CALCB: variants seen among roughly 807,000 people sequenced by gnomAD.
CALCB encodes calcitonin gene-related peptide 2.
CALCB carries 8 observed loss-of-function variants against 10.7 expected under a neutral mutation model. That is an observed-to-expected ratio of 0.75 (90% CI 0.44 to 1.34). The LOEUF is 1.34. Among genes scored for constraint, CALCB ranks in the 40% most tolerant of loss-of-function variants. The probability of loss-of-function intolerance (pLI) is 0.01; values close to 1 mark genes in which losing one functional copy is unlikely to be tolerated. For missense variants in CALCB, 176 were observed against 162.5 expected (o/e 1.08, Z -0.45); for synonymous variants, 76 against 66.9 (o/e 1.14, Z -0.66).
At chr11:15,077,896 A>G (rs1467923703) in intron 4 of CALCB, among the ~76,000 whole-genome samples, 187 bp from the exon 5 acceptor site, 2 of 152,332 alleles carry the variant, frequency 1.3e-5, no homozygotes, top group Middle Eastern at 6.8e-3. Flanking sequence ...TCTCATAACC[A>G]TAATTCATAA....
In CALCB at chr11:15,077,386, G is replaced by A. The variant is rs768562060; in HGVS notation, c.325G>A (p.Val109Met). Residue 109 changes from valine to methionine, a missense_variant, in exon 4 of 5, where the codon GTG (valine) becomes ATG (methionine). Coordinates refer to ENST00000324229, the MANE Select transcript of CALCB (RefSeq NM_000728.4). The stretch of plus-strand genomic sequence containing the variant: ...AGGGGGCATGGTGAAGAGCAACTTC[G>A]TGCCCACCAATGTGGGTTCCAAAGC... ...RSGGMVKSNFVPTNVGSKAFG... is the reference protein window; with the variant it reads ...RSGGMVKSNFMPTNVGSKAFG... 7.4e-6 allele frequency: 12 copies of A among 1,614,104 alleles called. No individual in the cohort carries two copies. Among genetic ancestry groups the A allele is most frequent in the East Asian group, 4.5e-5 (2 of 44,890 alleles).
intron 4 of CALCB, 106 bp downstream of exon 4, chr11:15,077,576 G>A: frequency 8.8e-7 from 1 of 1,136,564 alleles, no homozygotes; most frequent in Non-Finnish European, 1.2e-6. Flanking sequence ...CTTCTGTCCA[G>A]TTACATTGTT....
chr11:15,074,981 A>T, intron 2 of CALCB, 80 bp from the exon 3 acceptor site: 1 of 1,554,108 alleles, frequency 6.4e-7, no homozygotes, highest in Non-Finnish European at 8.9e-7. Context: ...AGAAGCAGAG[A>T]CCAGGAAGCC....
Position 15,078,144 on chromosome 11 carries a change from T to C in CALCB, c.*87T>C, listed in dbSNP as rs1850412376. ...TCTGTTGGTAAGAACTTGGTGAGAA[T>C]GCCCCGTGGAAGATACACATGTTTG... is the stretch of plus-strand genomic sequence containing the variant. On this transcript the variant is annotated 3_prime_UTR_variant, in exon 5 of 5. Transcript: ENST00000324229. 6.6e-6 allele frequency: 1 copy of C among 152,202 alleles called. No homozygotes were observed. The highest frequency in any genetic ancestry group is 2.4e-5 in the African/African-American group (1 of 41,448). The allele number at this position is 152,202 out of a possible 1,614,324, so 9.4% of individuals were successfully genotyped here. A position where few individuals can be genotyped will look rare whatever the true frequency, so the allele number is the denominator to read the frequency against.
intron 3 of CALCB, among the ~76,000 whole-genome samples, chr11:15,075,630 T>C (rs918131511): frequency 6.6e-6 from 1 of 152,214 alleles, no homozygotes; most frequent in African/African-American, 2.4e-5. Flanking sequence ...AAATTTCACA[T>C]GTGCATGCCA....
Position 15,077,391 on chromosome 11 carries a change from C to T in CALCB, c.330C>T (p.Pro110=). 6.2e-7 allele frequency: 1 copy of T among 1,614,236 alleles called. No homozygotes were observed. Among genetic ancestry groups the T allele is most frequent in the Non-Finnish European group, 8.5e-7 (1 of 1,180,052 alleles). The part of the protein sequence containing the change: ...SGGMVKSNFV[P]TNVGSKAFGR... ...GCATGGTGAAGAGCAACTTCGTGCC[C>T]ACCAATGTGGGTTCCAAAGCCTTTG... is the stretch of plus-strand genomic sequence containing the variant. The change falls in exon 4 of 5, where the codon CCC becomes CCT. Residue 110 remains proline, a synonymous_variant. Coordinates refer to ENST00000324229, the MANE Select transcript of CALCB (RefSeq NM_000728.4).
At chr11:15,076,621 A>T (rs1392202624) in intron 3 of CALCB, among the ~76,000 whole-genome samples, 1 of 152,244 alleles carries the variant, frequency 6.6e-6, no homozygotes, top group East Asian at 1.9e-4. Flanking sequence ...TTCTAAATGT[A>T]CTACGATAAA....
At chr11:15,074,149 C>A (rs879681116) in intron 1 of CALCB, among the ~76,000 whole-genome samples, 1 of 152,264 alleles carries the variant, frequency 6.6e-6, no homozygotes, top group African/African-American at 2.4e-5. Context: ...GCTCACCTCG[C>A]GGAGCTGCTG....
intron 3 of CALCB, among the ~76,000 whole-genome samples, chr11:15,076,747 T>C (rs1850398913): frequency 6.6e-6 from 1 of 152,226 alleles, no homozygotes; most frequent in African/African-American, 2.4e-5. Context: ...GTCCAGTGCC[T>C]ATGCTCAGAA....
At position 15,075,432 on chromosome 11, in the gene CALCB, T is replaced by A. The variant is rs531097066; in HGVS notation, c.224+234T>A. On this transcript the variant is annotated intron_variant, in intron 3 of 4. Coordinates refer to ENST00000324229, the MANE Select transcript of CALCB (RefSeq NM_000728.4). ...TTTCTGAAAGCTGTTAGAACATAGA[T>A]GTAGAAGCTTTTTCTAGACATAGAA... 2.3e-4 allele frequency among the ~76,000 whole-genome samples: 35 copies of A among 152,226 alleles called. 1 individual carries two copies. In the South Asian group the frequency reaches 6.4e-3, roughly 28 times the overall value.
chr11:15,075,236 C>G (rs769911838), intron 3 of CALCB, 38 bp downstream of exon 3: 1 of 1,613,148 alleles, frequency 6.2e-7, no homozygotes, highest in Non-Finnish European at 8.5e-7. Flanking sequence ...GGACTCCTCT[C>G]CCCGCAGCAT....
intron 2 of CALCB, 122 bp from the exon 3 acceptor site, chr11:15,074,939 C>A: frequency 7.0e-7 from 1 of 1,429,378 alleles, no homozygotes; most frequent in South Asian, 1.2e-5. Context: ...TGCCCGTCCC[C>A]TGGGAGTCGC....
intron 2 of CALCB, 128 bp downstream of exon 2, chr11:15,074,932 C>T (rs764939905): frequency 1.2e-4 from 173 of 1,407,396 alleles, no homozygotes; most frequent in Non-Finnish European, 1.6e-4. Flanking sequence ...GGCCTCATGC[C>T]CGTCCCCTGG....
At position 15,078,592 on chromosome 11, in the gene CALCB, A is replaced by G. The variant is rs149306227; in HGVS notation, c.*535A>G. The stretch of plus-strand genomic sequence containing the variant: ...ACAACTTGTTTTCTTATGTAATAAT[A>G]ATGATGATGATGATGATAATAATAA... On this transcript the variant is annotated 3_prime_UTR_variant, in exon 5 of 5. Coordinates refer to ENST00000324229, the MANE Select transcript of CALCB (RefSeq NM_000728.4). 8.6e-5 allele frequency: 13 copies of G among 151,578 alleles called. No homozygotes were observed. The highest frequency in any genetic ancestry group is 2.1e-4 in the South Asian group (1 of 4,820). 9.4% of individuals were successfully genotyped at this position (151,578 alleles called of 1,614,324 possible).
chr11:15,074,708 A>C lies in CALCB; in HGVS notation c.-9-2A>C. 6.2e-7 allele frequency: 1 copy of C among 1,611,834 alleles called. No homozygotes were observed. Among genetic ancestry groups the C allele is most frequent in the East Asian group, 2.2e-5 (1 of 44,860 alleles). ...AGTAGTAACGTCATCCTTCCTTTAC[A>C]GAGAGGCGGCATGGGTTTCCGGAAG... On this transcript the variant is annotated splice_acceptor_variant, in intron 1 of 4. Transcript: ENST00000324229. LOFTEE classifies it low-confidence loss of function (5UTR_SPLICE).
At chr11:15,077,164 G>A in intron 3 of CALCB, 122 bp from the exon 4 acceptor site, 1 of 1,053,546 alleles carries the variant, frequency 9.5e-7, no homozygotes, top group Admixed American at 2.2e-5. Flanking sequence ...TTTGATAATT[G>A]CATTTTCGAG....
intron 4 of CALCB, 76 bp downstream of exon 4, chr11:15,077,546 C>T: frequency 1.4e-6 from 2 of 1,433,892 alleles, no homozygotes; most frequent in South Asian, 1.3e-5. Context: ...AACCTCTGCT[C>T]TGGTAGGTTC....
At chr11:15,076,727 A>T (rs1850398427) in intron 3 of CALCB, among the ~76,000 whole-genome samples, 1 of 152,188 alleles carries the variant, frequency 6.6e-6, no homozygotes, top group Non-Finnish European at 1.5e-5. Flanking sequence ...CCACATCCAG[A>T]CTTGAGGGTG....
At chr11:15,077,674 T>C (rs1459480702) in intron 4 of CALCB, among the ~76,000 whole-genome samples, 1 of 152,034 alleles carries the variant, frequency 6.6e-6, no homozygotes, top group East Asian at 1.9e-4. Context: ...ATAAGGGAAA[T>C]GGAAAGAAAA....
Sources: gnomAD v4.1 joint callset for allele counts (sites outside exome capture counted in the v4.1 genomes callset) on GRCh38, gnomAD v4.1.1 for gene constraint, MANE v1.5 for transcripts, NCBI Gene and HGNC (gene_info 2026-07-23, HGNC 2026-07-21) for gene names.